GAS7: variants seen among roughly 807,000 people sequenced by gnomAD.
GAS7 encodes growth arrest specific 7.
GAS7 carries 28 observed loss-of-function variants against 71.1 expected under a neutral mutation model. The ratio of observed to expected loss-of-function variants is 0.39; its 90% CI spans 0.29 to 0.54. GAS7 has a LOEUF of 0.54. Ranked by LOEUF, GAS7 falls within the 20% of genes least tolerant of loss-of-function variation. The pLI is 0.62. For missense variants in GAS7, 436 were observed against 627.8 expected, an observed-to-expected ratio of 0.69 and a Z score of 3.27; for synonymous variants, 258 against 245.8, an observed-to-expected ratio of 1.05 and a Z score of -0.46.
intron 1 of GAS7, among the ~76,000 whole-genome samples, chr17:10,084,333 T>A (rs1170541245): frequency 1.3e-5 from 2 of 152,150 alleles, no homozygotes; most frequent in South Asian, 4.1e-4. Flanking sequence ...ATCATAGTGG[T>A]CCTATTAGAA....
At chr17:10,141,341 G>C (rs760657281) in intron 1 of GAS7, among the ~76,000 whole-genome samples, 2 of 152,194 alleles carry the variant, frequency 1.3e-5, no homozygotes, top group South Asian at 2.1e-4. Flanking sequence ...CCAGCTACTC[G>C]GGAGGCTGAG....
chr17:9,967,317 A>G (rs925644656), intron 4 of GAS7, among the ~76,000 whole-genome samples: 1 of 152,152 alleles, frequency 6.6e-6, no homozygotes, highest in Non-Finnish European at 1.5e-5. Flanking sequence ...CAACTTCAGC[A>G]CGATTCATGT....
chr17:10,016,368 G>A (rs1428671742), intron 2 of GAS7, among the ~76,000 whole-genome samples: 1 of 132,912 alleles, frequency 7.5e-6, no homozygotes, highest in Non-Finnish European at 1.5e-5. Flanking sequence ...CTGGGTGAAA[G>A]AGCGAGACTC....
At chr17:9,973,401 C>T (rs1036327838) in intron 3 of GAS7, among the ~76,000 whole-genome samples, 4 of 151,860 alleles carry the variant, frequency 2.6e-5, no homozygotes, top group African/African-American at 9.7e-5. Flanking sequence ...TTACAGGCGC[C>T]CGCCACCATG....
Position 9,988,096 on chromosome 17 carries a change from T to C in GAS7, c.305-6212A>G, listed in dbSNP as rs574167137. Among the ~76,000 whole-genome samples the C allele has an allele frequency of 3.3e-5, 5 of 152,368 alleles. No homozygotes were observed. In the South Asian group the frequency reaches 1.0e-3, roughly 32 times the overall value. ...ATCTGAGATTCCTGCAGTCTTCTCC[T>C]CTTTGCCTCTCTTTATACTCACCCT... is the stretch of plus-strand genomic sequence containing the variant. On this transcript the variant is annotated intron_variant, in intron 2 of 13. Transcript: ENST00000432992.
chr17:10,091,443 G>A (rs1315489020), intron 1 of GAS7, among the ~76,000 whole-genome samples: 3 of 152,174 alleles, frequency 2.0e-5, no homozygotes, highest in South Asian at 4.2e-4. Context: ...GCTAGAGCAC[G>A]GTGGTGGGAT....
At chr17:9,986,508 TC>T in intron 2 of GAS7, among the ~76,000 whole-genome samples, 1 of 151,948 alleles carries the variant, frequency 6.6e-6, no homozygotes, top group Non-Finnish European at 1.5e-5. Context: ...CCTCTCCCCA[TC>T]CCCCATCCTT....
chr17:10,157,628 G>A (rs1161894841), intron 1 of GAS7, among the ~76,000 whole-genome samples: 3 of 152,312 alleles, frequency 2.0e-5, no homozygotes, highest in East Asian at 3.9e-4. Flanking sequence ...ACACTGGGAA[G>A]CCTTGTAGGT....
chr17:9,953,458 G>A (rs932137588), intron 5 of GAS7, among the ~76,000 whole-genome samples: 1 of 152,188 alleles, frequency 6.6e-6, no homozygotes, highest in African/African-American at 2.4e-5. Flanking sequence ...CTGCAGGGGA[G>A]CCCTGACTCA....
rs779572291 is a variant in GAS7 at position 9,959,121 on chromosome 17, G to A, written c.525+81C>T. 1.3e-6 allele frequency: 2 copies of A among 1,488,418 alleles called. No homozygotes were observed. The highest frequency in any genetic ancestry group is 1.8e-6 in the Non-Finnish European group (2 of 1,097,300). The allele number at this position is 1,488,418 out of a possible 1,614,324, so 92.2% of individuals were successfully genotyped here. On this transcript the variant is annotated intron_variant, in intron 5 of 13. Transcript: ENST00000432992. This position sits in a 1 kb window ranked among gnomAD's most constrained non-coding sequence, Gnocchi z 5.0. The stretch of plus-strand genomic sequence containing the variant: ...GGTTGGGCATCACTTCTGCTTGGCG[G>A]TCCACATCGCCATGGCAACAGCCCA...
intron 1 of GAS7, among the ~76,000 whole-genome samples, chr17:10,141,066 G>A (rs1393651297): frequency 6.6e-6 from 1 of 152,212 alleles, no homozygotes; most frequent in Non-Finnish European, 1.5e-5. Flanking sequence ...GGGACCCAGG[G>A]AAGTGGCTCC....
chr17:10,141,187 C>T (rs964275561), intron 1 of GAS7, among the ~76,000 whole-genome samples: 10 of 152,194 alleles, frequency 6.6e-5, no homozygotes, highest in Non-Finnish European at 1.0e-4. Context: ...CGGTGGCTCA[C>T]GCCTGTAATC....
chr17:10,164,440 CAA>C (rs765625699), intron 1 of GAS7, among the ~76,000 whole-genome samples: 16 of 115,954 alleles, frequency 1.4e-4, no homozygotes, highest in Admixed American at 1.9e-4. Flanking sequence ...GACTCTGTCT[CAA>C]AAAAAAAAAA....
At chr17:10,094,620 C>T (rs2152257912) in intron 1 of GAS7, among the ~76,000 whole-genome samples, 1 of 152,234 alleles carries the variant, frequency 6.6e-6, no homozygotes, top group Admixed American at 6.5e-5. Flanking sequence ...AGACACGCGC[C>T]ACCACGCCTG....
intron 1 of GAS7, among the ~76,000 whole-genome samples, chr17:10,136,161 C>A (rs2074036597): frequency 1.3e-5 from 2 of 152,210 alleles, no homozygotes; most frequent in Non-Finnish European, 2.9e-5. Flanking sequence ...CAAACTGTAA[C>A]TGTGTGGCAT....
chr17:10,096,948 C>T (rs867741717), intron 1 of GAS7, among the ~76,000 whole-genome samples: 13 of 152,330 alleles, frequency 8.5e-5, no homozygotes, highest in Middle Eastern at 6.8e-3. Flanking sequence ...CTTCCCTCAT[C>T]ATCTCACCAT....
chr17:10,194,386 C>T (rs2074524739), intron 1 of GAS7, among the ~76,000 whole-genome samples: 1 of 152,214 alleles, frequency 6.6e-6, no homozygotes, highest in African/African-American at 2.4e-5. Flanking sequence ...TTCCTGGACC[C>T]TATTAAACCC....
Position 9,970,493 on chromosome 17 carries a change from G to A in GAS7, c.386-731C>T, listed in dbSNP as rs554589979. Reference sequence around the variant, plus strand: ...AAAAATACAAAAAAATTAGCCAGGCGTGGTGGCAGGCACCTGTAATCCCAG... The same window carrying A: ...AAAAATACAAAAAAATTAGCCAGGCATGGTGGCAGGCACCTGTAATCCCAG... On this transcript the variant is annotated intron_variant, in intron 3 of 13. Coordinates refer to ENST00000432992, the MANE Select transcript of GAS7 (RefSeq NM_201433.2). Among the ~76,000 whole-genome samples, 14 of 152,102 alleles carry A rather than the reference G, an allele frequency of 9.2e-5. No individual in the cohort carries two copies. The East Asian group carries it at 9.7e-4, about 11-fold the overall frequency.
In GAS7 at chr17:9,946,885, G is replaced by A. The variant is rs1287840538; in HGVS notation, c.615+9C>T. ...GTCACGCTGTGGGGGAAACTGAGGC[G>A]CTGCTTACCCAGAAGTAGTCGCAGT... On this transcript the variant is annotated intron_variant, in intron 6 of 13. Transcript: ENST00000432992. The A allele has an allele frequency of 8.8e-6, 14 of 1,591,550 alleles. No individual in the cohort carries two copies. Among genetic ancestry groups the A allele is most frequent in the South Asian group, 6.6e-5 (6 of 90,476 alleles).
Sources: allele counts gnomAD v4.1 joint callset (sites outside exome capture counted in the v4.1 genomes callset), GRCh38; gene constraint gnomAD v4.1.1; non-coding constraint Gnocchi (gnomAD v3.1); transcripts MANE v1.5; gene names NCBI Gene and HGNC (gene_info 2026-07-23, HGNC 2026-07-21).